Variants in LRP1B observed in about 807,000 individuals in gnomAD.
LRP1B encodes LDL receptor related protein 1B.
A neutral mutation model predicts 556.6 loss-of-function variants in LRP1B; 217 were observed. The observed-to-expected ratio is 0.39, with a 90% CI of 0.35 to 0.44. LRP1B has a LOEUF of 0.44. Ranked by LOEUF, LRP1B falls within the 20% of genes least tolerant of loss-of-function variation. LRP1B has a pLI of 1.00. For synonymous variants in LRP1B, 2,047 were observed against 1,865.8 expected, an observed-to-expected ratio of 1.10 and a Z score of -2.50; for missense variants, 5,053 against 5,620.8, an observed-to-expected ratio of 0.90 and a Z score of 3.23.
At chr2:141,227,822 G>A (rs1412310227) in intron 6 of LRP1B, among the ~76,000 whole-genome samples, 1 of 152,118 alleles carries the variant, frequency 6.6e-6, no homozygotes, top group South Asian at 2.1e-4. Context: ...TATATGAAAA[G>A]CTTTAATTAT....
chr2:140,814,188 G>A (rs1313652642), intron 31 of LRP1B, among the ~76,000 whole-genome samples: 1 of 151,838 alleles, frequency 6.6e-6, no homozygotes, highest in Non-Finnish European at 1.5e-5. Context: ...ATTTTGCTCA[G>A]GCTGGTCTTG....
chr2:141,832,469 T>A (rs1166551174), intron 1 of LRP1B, among the ~76,000 whole-genome samples: 1 of 151,634 alleles, frequency 6.6e-6, no homozygotes, highest in East Asian at 1.9e-4. Context: ...AACATACCTA[T>A]TTTCTCTGGT....
intron 2 of LRP1B, among the ~76,000 whole-genome samples, chr2:141,637,192 G>A (rs1211457530): frequency 6.6e-6 from 1 of 152,038 alleles, no homozygotes; most frequent in African/African-American, 2.4e-5. Flanking sequence ...TTCAGCATGA[G>A]GAAAAACACA....
chr2:141,002,665 A>G (rs544930913), intron 15 of LRP1B, among the ~76,000 whole-genome samples: 18 of 152,224 alleles, frequency 1.2e-4, no homozygotes, highest in Admixed American at 2.0e-4. Flanking sequence ...TGTTCAGTAC[A>G]GAGGGTCCAC....
intron 86 of LRP1B, among the ~76,000 whole-genome samples, chr2:140,264,488 A>G (rs1164233798): frequency 6.6e-6 from 1 of 152,046 alleles, no homozygotes; most frequent in Non-Finnish European, 1.5e-5. Flanking sequence ...TACTAACCTC[A>G]AGTGATCCGC....
intron 1 of LRP1B, among the ~76,000 whole-genome samples, chr2:141,830,866 G>T (rs1298403959): frequency 2.0e-5 from 3 of 151,782 alleles, no homozygotes; most frequent in South Asian, 2.1e-4. Flanking sequence ...GTGACTCCAA[G>T]AATTTGGTCC....
Position 140,700,269 on chromosome 2 carries a change from G to T in LRP1B, c.6780C>A (p.Asp2260Glu). 1 of 1,610,658 alleles carries T rather than the reference G, an allele frequency of 6.2e-7. No individual in the cohort carries two copies. Among genetic ancestry groups the T allele is most frequent in the East Asian group, 2.2e-5 (1 of 44,806 alleles). Residue 2260 changes from aspartate to glutamate, a missense_variant, in exon 41 of 91, where the codon GAC becomes GAA. By Grantham distance (45) the Asp-to-Glu change is conservative. Around this residue, in one of 5 missense-constraint regions of LRP1B, gnomAD observed 3,619 missense variants for 3,931.9 expected, o/e 0.92. Transcript: ENST00000389484. ...ACTTACTTTCAACAATTACTTGTCTGTCTTCCCAGTTGTCTTTAATAAGCT... is the reference window on the plus strand; with the variant it reads ...ACTTACTTTCAACAATTACTTGTCTTTCTTCCCAGTTGTCTTTAATAAGCT... ...NIQLIKDNWE[D>E]RQVIVENVGS... is the part of the protein sequence containing the mutation.
intron 7 of LRP1B, among the ~76,000 whole-genome samples, chr2:141,095,772 G>T (rs1033056464): frequency 1.3e-5 from 2 of 151,992 alleles, no homozygotes; most frequent in African/African-American, 4.8e-5. Context: ...GCTGCCCTTT[G>T]GTCTTGCTTG....
intron 20 of LRP1B, among the ~76,000 whole-genome samples, chr2:140,925,078 A>G (rs1694848906): frequency 6.6e-6 from 1 of 152,158 alleles, no homozygotes; most frequent in Admixed American, 6.6e-5. Context: ...TATACATAAT[A>G]CAGAGATGAT....
At chr2:140,336,528 C>T (rs951531882) in intron 77 of LRP1B, among the ~76,000 whole-genome samples, 1 of 151,808 alleles carries the variant, frequency 6.6e-6, no homozygotes. Context: ...TAGCAATTTA[C>T]GATCTTTTCA....
At position 141,584,705 on chromosome 2, in the gene LRP1B, G is replaced by A. The variant is rs549844013; in HGVS notation, c.206-104172C>T. On this transcript the variant is annotated intron_variant, in intron 2 of 90. Coordinates refer to ENST00000389484, the MANE Select transcript of LRP1B (RefSeq NM_018557.3). The stretch of plus-strand genomic sequence containing the variant: ...ATTTAAGTCAAGTGAGATGATTTAG[G>A]TATAGGTAATGTTAACATGAGGCAA... Among the ~76,000 whole-genome samples the A allele has an allele frequency of 1.2e-4, 18 of 152,236 alleles. No individual in the cohort carries two copies. In the Middle Eastern group the frequency reaches 0.01, roughly 86 times the overall value.
At chr2:142,017,041 G>T (rs1703170316) in intron 1 of LRP1B, among the ~76,000 whole-genome samples, 1 of 151,800 alleles carries the variant, frequency 6.6e-6, no homozygotes, top group Middle Eastern at 3.2e-3. Flanking sequence ...GGGAAAGCAA[G>T]AAAGCTGCAT....
At position 141,082,875 on chromosome 2, in the gene LRP1B, C is replaced by G. The variant is rs575561077; in HGVS notation, c.1014-20602G>C. Among the ~76,000 whole-genome samples the G allele has an allele frequency of 1.2e-4, 19 of 152,328 alleles. 1 individual carries two copies. Among genetic ancestry groups the G allele is most frequent in the African/African-American group, 4.3e-4 (18 of 41,582 alleles). On this transcript the variant is annotated intron_variant, in intron 7 of 90. Transcript: ENST00000389484. ...ACAACTCATTGTGACCATCTTCACC[C>G]TGTAATGAGCATGGGCCAAAGTGGC...
At chr2:141,500,541 A>G (rs1683677763) in intron 2 of LRP1B, among the ~76,000 whole-genome samples, 1 of 152,136 alleles carries the variant, frequency 6.6e-6, no homozygotes, top group African/African-American at 2.4e-5. Flanking sequence ...GGGAAATAAA[A>G]TGGATGGAGT....
At chr2:141,484,015 GT>G (rs1222793278) in intron 2 of LRP1B, among the ~76,000 whole-genome samples, 1 of 152,140 alleles carries the variant, frequency 6.6e-6, no homozygotes, top group Non-Finnish European at 1.5e-5. Flanking sequence ...TGCTTTTGGT[GT>G]TGTAGACATG....
chr2:140,858,711 T>C (rs917949524), intron 27 of LRP1B, among the ~76,000 whole-genome samples: 1 of 151,980 alleles, frequency 6.6e-6, no homozygotes, highest in African/African-American at 2.4e-5. Flanking sequence ...CCATTAGCGA[T>C]TTTTCCTGAT....
chr2:142,115,730 T>C lies in LRP1B; in HGVS notation c.82+14918A>G, dbSNP rs1574703443. ...TAATATATATGTAATATATATATAATATATATGTAATATATATATTATATA... is the reference window on the plus strand; with the variant it reads ...TAATATATATGTAATATATATATAACATATATGTAATATATATATTATATA... On this transcript the variant is annotated intron_variant, in intron 1 of 90. Transcript: ENST00000389484. Among the ~76,000 whole-genome samples the C allele has an allele frequency of 7.3e-4, 13 of 17,800 alleles. 6 individuals are homozygous for C. Among genetic ancestry groups the C allele is most frequent in the South Asian group, 2.8e-3 (2 of 716 alleles). 11.7% of individuals were successfully genotyped at this position (17,800 alleles called of 152,430 possible).
intron 59 of LRP1B, among the ~76,000 whole-genome samples, chr2:140,477,407 CTA>C (rs1688018577): frequency 1.3e-5 from 2 of 151,956 alleles, no homozygotes. Flanking sequence ...TCAGTGATTT[CTA>C]TAACATTAAA....
intron 1 of LRP1B, among the ~76,000 whole-genome samples, chr2:142,061,273 GT>G (rs1202870104): frequency 6.6e-6 from 1 of 151,952 alleles, no homozygotes; most frequent in African/African-American, 2.4e-5. Flanking sequence ...ACAATATTTA[GT>G]TTTTGGAATG....
Sources: gnomAD v4.1 joint callset for allele counts (sites outside exome capture counted in the v4.1 genomes callset) on GRCh38, gnomAD v4.1.1 for gene constraint, gnomAD v4.1.1 regional missense constraint, MANE v1.5 for transcripts, NCBI Gene and HGNC (gene_info 2026-07-23, HGNC 2026-07-21) for gene names.